Variants in FDPS observed in about 807,000 individuals in gnomAD.
FDPS encodes the protein farnesyl diphosphate synthase.
Under a neutral mutation model 49.5 loss-of-function variants are expected in FDPS, and 29 were observed. The observed-to-expected ratio is 0.59, with a 90% CI of 0.44 to 0.80. FDPS has a LOEUF of 0.80. FDPS is among the 30% of genes least tolerant of loss of function. FDPS has a pLI of 0.00. For synonymous variants in FDPS, 172 were observed against 206.4 expected (o/e 0.83, Z 1.43); for missense variants, 414 against 525.6 (o/e 0.79, Z 2.08).
intron 4 of FDPS, among the ~76,000 whole-genome samples, chr1:155,314,483 T>G (rs961555559): frequency 4.0e-5 from 6 of 151,126 alleles, no homozygotes; most frequent in African/African-American, 1.2e-4. Context: ...CTGGTCTAAA[T>G]TTTTTTTTAG....
chr1:155,313,452 T>C (rs180692361), intron 4 of FDPS, among the ~76,000 whole-genome samples: 66 of 152,308 alleles, frequency 4.3e-4, no homozygotes, highest in Non-Finnish European at 2.1e-4. Context: ...ACGATGATGC[T>C]GAGTGCCTGG....
chr1:155,316,877 T>C (rs529698517), intron 4 of FDPS: 6 of 152,268 alleles, frequency 3.9e-5, no homozygotes, highest in African/African-American at 1.4e-4. Flanking sequence ...GTTAGAGTGT[T>C]TTATTAATTT....
chr1:155,318,080 A>G lies in FDPS; in HGVS notation c.561+59A>G, dbSNP rs1020784588. 2.5e-5 allele frequency: 41 copies of G among 1,610,604 alleles called. No homozygotes were observed. The highest frequency in any genetic ancestry group is 2.8e-5 in the Non-Finnish European group (33 of 1,177,010). On this transcript the variant is annotated intron_variant, in intron 5 of 10. Coordinates refer to ENST00000368356, the MANE Select transcript of FDPS (RefSeq NM_002004.4). The surrounding 1 kb of genome is among the most constrained non-coding windows in gnomAD (Gnocchi z 4.2). ...GGACAGGCCACAGGGAGGTGGTTAT[A>G]TATGGCCTGGTTGAGGTGTTGGGGT... is the stretch of plus-strand genomic sequence containing the variant.
chr1:155,312,766 G>A, intron 4 of FDPS: 1 of 181,112 alleles, frequency 5.5e-6, no homozygotes, highest in Non-Finnish European at 1.2e-5. Flanking sequence ...GATCATCTGA[G>A]TTCTGGAGTT....
rs1648635690 is a variant in FDPS at position 155,310,106 on chromosome 1, G to C, written c.240G>C (p.Lys80Asn). 1.2e-6 allele frequency: 2 copies of C among 1,613,918 alleles called. No homozygotes were observed. The highest frequency in any genetic ancestry group is 2.7e-5 in the African/African-American group (2 of 74,916). ...ATTCAGATGTTTATGCCCAAGAAAA[G>C]CAGGATTTCGTTCAGCACTTCTCCC... ...DQNSDVYAQE[K>N]QDFVQHFSQI... The change falls in exon 3 of 11, where the codon AAG (lysine) becomes AAC (asparagine). Residue 80 changes from lysine (K) to asparagine (N), a missense_variant. Lys to Asn is a moderately conservative substitution (Grantham distance 94). Transcript: ENST00000368356.
In FDPS at chr1:155,319,850, C is replaced by T. The variant is rs748399701; in HGVS notation, c.981C>T (p.Asp327=). The T allele has an allele frequency of 8.7e-6, 14 of 1,614,050 alleles. No homozygotes were observed. The highest frequency in any genetic ancestry group is 1.3e-5 in the African/African-American group (1 of 74,908). ...DPSVTGKIGT[D]IQDNKCSWLV... is the part of the protein sequence containing the mutation. ...GTGTGACCGGCAAAATTGGCACTGACATCCAGGACAACAAATGCAGCTGGC... is the reference window on the plus strand; with the variant it reads ...GTGTGACCGGCAAAATTGGCACTGATATCCAGGACAACAAATGCAGCTGGC... Residue 327 remains aspartate (D), a synonymous_variant, in exon 10 of 11, where the codon GAC becomes GAT. Coordinates refer to ENST00000368356, the MANE Select transcript of FDPS (RefSeq NM_002004.4).
chr1:155,312,485 G>A, intron 4 of FDPS, 90 bp downstream of exon 4: 1 of 1,427,110 alleles, frequency 7.0e-7, no homozygotes, highest in Non-Finnish European at 9.7e-7. Flanking sequence ...ACTTATTTCT[G>A]GGTTGTGTTT....
Position 155,319,854 on chromosome 1 carries a change from C to G in FDPS, c.985C>G (p.Gln329Glu). Residue 329 changes from glutamine to glutamate, a missense_variant, in exon 10 of 11, where the codon CAG becomes GAG. Coordinates refer to ENST00000368356, the MANE Select transcript of FDPS (RefSeq NM_002004.4). ...SVTGKIGTDI[Q>E]DNKCSWLVVQ... ...GACCGGCAAAATTGGCACTGACATC[C>G]AGGACAACAAATGCAGCTGGCTGGT... 6.2e-7 allele frequency: 1 copy of G among 1,614,168 alleles called. No homozygotes were observed. The highest frequency in any genetic ancestry group is 8.5e-7 in the Non-Finnish European group (1 of 1,180,016).
At chr1:155,316,884 ATTTC>A (rs1254179247) in intron 4 of FDPS, 1 of 152,156 alleles carries the variant, frequency 6.6e-6, no homozygotes, top group East Asian at 1.9e-4. Context: ...TGTTTTATTA[ATTTC>A]TTTGTCAGAC....
Position 155,318,811 on chromosome 1 carries a change from A to G in FDPS, c.774-45A>G. 6.3e-7 allele frequency: 1 copy of G among 1,589,262 alleles called. No individual in the cohort carries two copies. Among genetic ancestry groups the G allele is most frequent in the Non-Finnish European group, 8.6e-7 (1 of 1,157,402 alleles). The stretch of plus-strand genomic sequence containing the variant: ...TCTGGACAGCGAGGGAGGGCTCAGG[A>G]TGTGCATTGCCCTCCTGAGGAGTTT... On this transcript the variant is annotated intron_variant, in intron 7 of 10. Coordinates refer to ENST00000368356, the MANE Select transcript of FDPS (RefSeq NM_002004.4). This position sits in a 1 kb window ranked among gnomAD's most constrained non-coding sequence, Gnocchi z 4.2.
At chr1:155,319,987 T>C in intron 10 of FDPS, 59 bp downstream of exon 10, 2 of 1,580,226 alleles carry the variant, frequency 1.3e-6, no homozygotes, top group Non-Finnish European at 1.7e-6. Flanking sequence ...GCAGTGGTTC[T>C]CAACTAGAGG....
intron 3 of FDPS, 125 bp from the exon 4 acceptor site, chr1:155,312,130 A>G: frequency 9.2e-7 from 1 of 1,084,350 alleles, no homozygotes; most frequent in Admixed American, 1.9e-5. Flanking sequence ...AGGCTCCTTG[A>G]AGAGGAGTTG....
chr1:155,315,835 C>T (rs1327885434), intron 4 of FDPS, among the ~76,000 whole-genome samples: 3 of 150,680 alleles, frequency 2.0e-5, no homozygotes, highest in African/African-American at 7.3e-5. Context: ...CTATTGCACT[C>T]CAGCCTGGGC....
At position 155,318,783 on chromosome 1, in the gene FDPS, A is replaced by AT; in HGVS notation, c.773+31dup. 1 of 1,596,074 alleles carries AT rather than the reference A, an allele frequency of 6.3e-7. No individual in the cohort carries two copies. Among genetic ancestry groups the AT allele is most frequent in the Non-Finnish European group, 8.6e-7 (1 of 1,163,808 alleles). On this transcript the variant is annotated intron_variant, in intron 7 of 10. Transcript: ENST00000368356. The surrounding 1 kb of genome is among the most constrained non-coding windows in gnomAD (Gnocchi z 4.2). ...GGGGAGGTGAGGGACAGCGCGAACC[A>AT]TGTCTGGACAGCGAGGGAGGGCTCA...
chr1:155,309,923 A>C lies in FDPS; in HGVS notation c.134A>C (p.His45Pro), dbSNP rs761798381. The C allele has an allele frequency of 1.2e-6, 2 of 1,603,668 alleles. No individual in the cohort carries two copies. Residue 45 changes from histidine to proline, a missense_variant, in exon 2 of 11, where the codon CAC (histidine) becomes CCC (proline). Physicochemically the swap from His to Pro is moderately conservative, Grantham distance 77. Coordinates refer to ENST00000368356, the MANE Select transcript of FDPS (RefSeq NM_002004.4). ...LVHGYPVLAW[H>P]SARCWCQAWT... ...CACGGGTACCCAGTCCTGGCCTGGC[A>C]CAGTGCCCGCTGCTGGTGCCAAGCG...
chr1:155,313,795 G>A (rs1266533897), intron 4 of FDPS, among the ~76,000 whole-genome samples: 1 of 152,114 alleles, frequency 6.6e-6, no homozygotes, highest in Admixed American at 6.5e-5. Context: ...AAGACCTTGA[G>A]GGGCCAGTGG....
chr1:155,309,283 A>C (rs1648530278), intron 1 of FDPS: 1 of 152,256 alleles, frequency 6.6e-6, no homozygotes, highest in Non-Finnish European at 1.5e-5. Context: ...AGCACCCCGG[A>C]CCATATGGAT....
Position 155,318,425 on chromosome 1 carries a change from G to A in FDPS, c.684+134G>A. 8.2e-7 allele frequency: 1 copy of A among 1,212,842 alleles called. No homozygotes were observed. Among genetic ancestry groups the A allele is most frequent in the Non-Finnish European group, 1.2e-6 (1 of 848,764 alleles). 75.1% of individuals were successfully genotyped at this position (1,212,842 alleles called of 1,614,324 possible). On this transcript the variant is annotated intron_variant, in intron 6 of 10. Transcript: ENST00000368356. The surrounding 1 kb of genome is among the most constrained non-coding windows in gnomAD (Gnocchi z 4.2). ...GAAGGGAAAGAAAGCGAGGAAGGGTGTTGGGAAGTGGGGTTGTGGTAGTGG... is the reference window on the plus strand; with the variant it reads ...GAAGGGAAAGAAAGCGAGGAAGGGTATTGGGAAGTGGGGTTGTGGTAGTGG...
rs747487713 is a variant in FDPS at position 155,318,276 on chromosome 1, C to G, written c.669C>G (p.Ile223Met). 2 of 1,612,312 alleles carry G rather than the reference C, an allele frequency of 1.2e-6. No individual in the cohort carries two copies. The highest frequency in any genetic ancestry group is 2.2e-5 in the South Asian group (2 of 91,064). ...CREQPYYLNL[I>M]ELFLQSSYQT... Reference sequence around the variant, plus strand: ...AGCAGCCCTATTACCTGAACCTGATCGAGCTCTTCCTGCAGGTGTATTGCA... The same window carrying G: ...AGCAGCCCTATTACCTGAACCTGATGGAGCTCTTCCTGCAGGTGTATTGCA... The change falls in exon 6 of 11, where the codon ATC becomes ATG. Residue 223 changes from isoleucine to methionine, a missense_variant. By Grantham distance (10) the Ile-to-Met change is conservative (BLOSUM62 1). Transcript: ENST00000368356. The surrounding 1 kb of genome is among the most constrained non-coding windows in gnomAD (Gnocchi z 4.2).
Sources: allele counts gnomAD v4.1 joint callset (sites outside exome capture counted in the v4.1 genomes callset), GRCh38; gene constraint gnomAD v4.1.1; non-coding constraint Gnocchi (gnomAD v3.1); transcripts MANE v1.5; gene names NCBI Gene and HGNC (gene_info 2026-07-23, HGNC 2026-07-21).